Variants in MLXIP observed in about 807,000 individuals in gnomAD.
MLXIP encodes the protein MLX interacting protein, also known as MLX-interacting protein.
Under a neutral mutation model 87.2 loss-of-function variants are expected in MLXIP, and 30 were observed. The observed-to-expected ratio is 0.34, with a 90% CI of 0.26 to 0.47. The LOEUF is 0.47. Among genes scored for constraint, MLXIP ranks in the 20% least tolerant of loss-of-function variants. The probability of loss-of-function intolerance (pLI) is 1.00; values close to 1 mark genes in which losing one functional copy is unlikely to be tolerated. For missense variants in MLXIP, 1,002 were observed against 1,240.1 expected, an observed-to-expected ratio of 0.81 and a Z score of 2.88; for synonymous variants, 530 against 514.0, an observed-to-expected ratio of 1.03 and a Z score of -0.42.
At position 122,129,633 on chromosome 12, in the gene MLXIP, G is replaced by T; in HGVS notation, c.738+4G>T. ...GGACCTCTCCAGCCTGGTCCAGGTGGGTGAGCCTGGGAGCTCTGAGGACCC... is the reference window on the plus strand; with the variant it reads ...GGACCTCTCCAGCCTGGTCCAGGTGTGTGAGCCTGGGAGCTCTGAGGACCC... On this transcript the variant is annotated splice_donor_region_variant and intron_variant, in intron 5 of 16. Coordinates refer to ENST00000319080, the MANE Select transcript of MLXIP (RefSeq NM_014938.6). The T allele has an allele frequency of 6.2e-7, 1 of 1,607,944 alleles. No homozygotes were observed. Among genetic ancestry groups the T allele is most frequent in the South Asian group, 1.1e-5 (1 of 90,618 alleles).
intron 1 of MLXIP, among the ~76,000 whole-genome samples, chr12:122,094,940 G>A (rs1269916541): frequency 6.8e-6 from 1 of 148,050 alleles, no homozygotes; most frequent in African/African-American, 2.5e-5. Flanking sequence ...GTGTGTGATT[G>A]TGTGGTGTAT....
Position 122,129,120 on chromosome 12 carries a change from C to A in MLXIP, c.607-17C>A. Reference sequence around the variant, plus strand: ...AGCAGAGCCCCCTCTTCACTCTGCTCTCTGTCCCTGTCCTAGGCCATCACC... The same window carrying A: ...AGCAGAGCCCCCTCTTCACTCTGCTATCTGTCCCTGTCCTAGGCCATCACC... On this transcript the variant is annotated splice_polypyrimidine_tract_variant and intron_variant, in intron 3 of 16. Transcript: ENST00000319080. 1 of 1,595,444 alleles carries A rather than the reference C, an allele frequency of 6.3e-7. No homozygotes were observed. Among genetic ancestry groups the A allele is most frequent in the South Asian group, 1.1e-5 (1 of 87,938 alleles).
At chr12:122,095,379 T>C (rs2135916434) in intron 1 of MLXIP, among the ~76,000 whole-genome samples, 1 of 152,088 alleles carries the variant, frequency 6.6e-6, no homozygotes, top group South Asian at 2.1e-4. Context: ...TCCTTAGGAT[T>C]CCTGGCTCTG....
chr12:122,127,696 G>A lies in MLXIP; in HGVS notation c.521-187G>A, dbSNP rs917165636. Among the ~76,000 whole-genome samples the A allele has an allele frequency of 2.6e-5, 4 of 152,176 alleles. No individual in the cohort carries two copies. The South Asian group carries it at 6.2e-4, about 24-fold the overall frequency. ...CACTGCCTCTCTGACTGAGGCGTTC[G>A]TTATTGACAGATTCCTCTCCTTTCA... is the stretch of plus-strand genomic sequence containing the variant. On this transcript the variant is annotated intron_variant, in intron 2 of 16. Coordinates refer to ENST00000319080, the MANE Select transcript of MLXIP (RefSeq NM_014938.6).
At chr12:122,106,362 G>A (rs1288701409) in intron 1 of MLXIP, among the ~76,000 whole-genome samples, 1 of 152,098 alleles carries the variant, frequency 6.6e-6, no homozygotes, top group Middle Eastern at 3.2e-3. Flanking sequence ...CTCCACACAT[G>A]CCTTTGCTCA....
Position 122,137,355 on chromosome 12 carries a change from G to A in MLXIP, c.2033-114G>A, listed in dbSNP as rs1377874599. On this transcript the variant is annotated intron_variant, in intron 11 of 16. Coordinates refer to ENST00000319080, the MANE Select transcript of MLXIP (RefSeq NM_014938.6). This position sits in a 1 kb window ranked among gnomAD's most constrained non-coding sequence, Gnocchi z 4.1. ...ATGTGTGTGCAGTTGAAAGAACCAA[G>A]TGCAATACGTGGCTAGCAGCGAGCA... 5.2e-6 allele frequency: 6 copies of A among 1,149,616 alleles called. No individual in the cohort carries two copies. Among genetic ancestry groups the A allele is most frequent in the African/African-American group, 1.6e-5 (1 of 63,506 alleles). The allele number at this position is 1,149,616 out of a possible 1,614,324, so 71.2% of individuals were successfully genotyped here.
In MLXIP at chr12:122,078,781, C is replaced by A. The variant is rs1363007493; in HGVS notation, c.-73C>A. On this transcript the variant is annotated 5_prime_UTR_variant, in exon 1 of 17. Coordinates refer to ENST00000319080, the MANE Select transcript of MLXIP (RefSeq NM_014938.6). ...AGTCGGCGCGCGGGCCGGGCCGGGC[C>A]GGCGCCCCTCTGCCTCGCGCGCTTG... is the stretch of plus-strand genomic sequence containing the variant. 2 of 1,020,758 alleles carry A rather than the reference C, an allele frequency of 2.0e-6. No individual in the cohort carries two copies. The highest frequency in any genetic ancestry group is 4.6e-5 in the South Asian group (1 of 21,766). 63.2% of individuals were successfully genotyped at this position (1,020,758 alleles called of 1,614,324 possible).
chr12:122,101,543 G>GTTAT (rs1157139973), intron 1 of MLXIP, among the ~76,000 whole-genome samples: 21 of 145,566 alleles, frequency 1.4e-4, no homozygotes, highest in Admixed American at 6.1e-4. Flanking sequence ...TCTTCAAGAA[G>GTTAT]TTATTTATTT....
rs773720545 is a variant in MLXIP, at chr12:122,127,978, A to C, written c.606+10A>C. The C allele has an allele frequency of 5.5e-5, 89 of 1,612,150 alleles. No individual in the cohort carries two copies. Among genetic ancestry groups the C allele is most frequent in the Admixed American group, 1.0e-4 (6 of 60,004 alleles). On this transcript the variant is annotated intron_variant, in intron 3 of 16. Coordinates refer to ENST00000319080, the MANE Select transcript of MLXIP (RefSeq NM_014938.6). The stretch of plus-strand genomic sequence containing the variant: ...GCACCGCCGGCCGGAGGTACTTGGC[A>C]GTGACCAAGGGTGGCTGAGAGTGGA...
intron 1 of MLXIP, among the ~76,000 whole-genome samples, chr12:122,101,619 C>T (rs1323391631): frequency 4.8e-5 from 6 of 125,020 alleles, no homozygotes; most frequent in East Asian, 2.3e-4. Context: ...CTCGCTCTGT[C>T]GCCCAGGCTG....
intron 1 of MLXIP, among the ~76,000 whole-genome samples, chr12:122,105,421 C>T (rs1230587957): frequency 1.3e-5 from 2 of 151,736 alleles, no homozygotes; most frequent in Non-Finnish European, 1.5e-5. Context: ...GATCTCAGCT[C>T]ACCACAACTT....
intron 1 of MLXIP, among the ~76,000 whole-genome samples, chr12:122,125,522 G>A (rs1311399991): frequency 6.6e-6 from 1 of 152,196 alleles, no homozygotes; most frequent in East Asian, 1.9e-4. Context: ...AGGAGGAGGC[G>A]TCATTCTGAT....
intron 1 of MLXIP, among the ~76,000 whole-genome samples, chr12:122,110,853 G>A (rs1046676542): frequency 3.3e-5 from 5 of 151,820 alleles, no homozygotes; most frequent in Admixed American, 1.3e-4. Flanking sequence ...CAAGGTGGGC[G>A]GATCACGAGG....
At chr12:122,107,545 A>G (rs1197697453) in intron 1 of MLXIP, among the ~76,000 whole-genome samples, 1 of 152,126 alleles carries the variant, frequency 6.6e-6, no homozygotes, top group Non-Finnish European at 1.5e-5. Context: ...AATTCTTTTT[A>G]CTGAGAACCT....
At chr12:122,087,821 G>A (rs1007864793) in intron 1 of MLXIP, among the ~76,000 whole-genome samples, 5 of 152,294 alleles carry the variant, frequency 3.3e-5, no homozygotes, top group African/African-American at 9.6e-5. Flanking sequence ...AGACTAGGAC[G>A]GTAGCAGCGA....
rs1953120865 is a variant in MLXIP at position 122,137,793 on chromosome 12, G to A, written c.2154+203G>A. On this transcript the variant is annotated intron_variant, in intron 12 of 16. Coordinates refer to ENST00000319080, the MANE Select transcript of MLXIP (RefSeq NM_014938.6). This position sits in a 1 kb window ranked among gnomAD's most constrained non-coding sequence, Gnocchi z 4.1. Reference sequence around the variant, plus strand: ...GGGCCCCCTGGAGGCTTTTGGGTGAGCCCCAAGCCTGGGAGCCAACGCTGA... The same window carrying A: ...GGGCCCCCTGGAGGCTTTTGGGTGAACCCCAAGCCTGGGAGCCAACGCTGA... The A allele has an allele frequency of 2.8e-6, 1 of 354,644 alleles. No homozygotes were observed. Among genetic ancestry groups the A allele is most frequent in the African/African-American group, 2.2e-5 (1 of 45,070 alleles). The allele number at this position is 354,644 out of a possible 1,614,324, so 22.0% of individuals were successfully genotyped here.
Position 122,141,761 on chromosome 12 carries a change from GC to G in MLXIP, c.2710del (p.Gln904ArgfsTer94). 1 of 1,613,894 alleles carries G rather than the reference GC, an allele frequency of 6.2e-7. No homozygotes were observed. Among genetic ancestry groups the G allele is most frequent in the Non-Finnish European group, 8.5e-7 (1 of 1,179,894 alleles). On this transcript the variant is annotated frameshift_variant, in exon 17 of 17. Coordinates refer to ENST00000319080, the MANE Select transcript of MLXIP (RefSeq NM_014938.6). LOFTEE classifies it high-confidence loss of function. ...ILTDPAQLPE[Q>X]ASKAVTRIGK... ...TCACAGACCCGGCACAGCTGCCAGAGCAGGCGTCCAAGGCTGTCACCAGGAT... is the reference window on the plus strand; with the variant it reads ...TCACAGACCCGGCACAGCTGCCAGAGAGGCGTCCAAGGCTGTCACCAGGAT...
chr12:122,138,861 C>A lies in MLXIP; in HGVS notation c.2431C>A (p.Arg811Ser), dbSNP rs760823422. The change falls in exon 15 of 17, where the codon CGC (arginine) becomes AGC (serine). Residue 811 changes from arginine to serine, a missense_variant. Around this residue, in one of 3 missense-constraint regions of MLXIP, gnomAD observed 746 missense variants for 897.0 expected, o/e 0.83. Transcript: ENST00000319080. Reference protein sequence around the residue: ...LPATGVPVTRRQFDHMKDMFD... With the variant: ...LPATGVPVTRSQFDHMKDMFD... ...TGCCACGGGAGTCCCCGTTACCCGG[C>A]GCCAGTTTGATCACATGAAAGACAT... 2 of 1,614,058 alleles carry A rather than the reference C, an allele frequency of 1.2e-6. No individual in the cohort carries two copies. The highest frequency in any genetic ancestry group is 2.2e-5 in the South Asian group (2 of 91,086).
At position 122,133,270 on chromosome 12, in the gene MLXIP, G is replaced by T. The variant is rs1009991961; in HGVS notation, c.1093-78G>T. The T allele has an allele frequency of 8.1e-6, 12 of 1,480,434 alleles. No individual in the cohort carries two copies. Among genetic ancestry groups the T allele is most frequent in the Non-Finnish European group, 1.1e-5 (12 of 1,113,968 alleles). The allele number at this position is 1,480,434 out of a possible 1,614,324, so 91.7% of individuals were successfully genotyped here. ...GTCCCAGCGCCCGGCCTGTGTAGTT[G>T]GACTTGGCAGTGTGCAGCGCTAGAA... On this transcript the variant is annotated intron_variant, in intron 8 of 16. Coordinates refer to ENST00000319080, the MANE Select transcript of MLXIP (RefSeq NM_014938.6). The surrounding 1 kb of genome is among the most constrained non-coding windows in gnomAD (Gnocchi z 4.9).
Sources: allele counts gnomAD v4.1 joint callset (sites outside exome capture counted in the v4.1 genomes callset), GRCh38; gene constraint gnomAD v4.1.1; regional missense constraint gnomAD v4.1.1; non-coding constraint Gnocchi (gnomAD v3.1); transcripts MANE v1.5; gene names NCBI Gene and HGNC (gene_info 2026-07-23, HGNC 2026-07-21).